The following SMAD4 variants were observed in gnomAD, a reference collection of about 807,000 sequenced individuals.
SMAD4 encodes MAD homolog 4.
A neutral mutation model predicts 63.2 loss-of-function variants in SMAD4; 7 were observed. The ratio of observed to expected loss-of-function variants is 0.11; its 90% CI spans 0.06 to 0.21. The LOEUF (loss-of-function observed/expected upper bound fraction) is 0.21. Among genes scored for constraint, SMAD4 ranks in the 10% least tolerant of loss-of-function variants. The probability of loss-of-function intolerance (pLI) is 1.00; values close to 1 mark genes in which losing one functional copy is unlikely to be tolerated. For missense variants in SMAD4, 312 were observed against 693.8 expected, an observed-to-expected ratio of 0.45 and a Z score of 6.18; for synonymous variants, 215 against 235.4, an observed-to-expected ratio of 0.91 and a Z score of 0.79.
At chr18:51,050,646 G>T (rs985547499) in intron 4 of SMAD4, among the ~76,000 whole-genome samples, 12 of 148,584 alleles carry the variant, frequency 8.1e-5, no homozygotes, top group Non-Finnish European at 1.5e-4. Context: ...TTGACAAAGC[G>T]AGACTCTGTC....
intron 5 of SMAD4, among the ~76,000 whole-genome samples, chr18:51,055,218 C>G (rs1470888329): frequency 6.6e-6 from 1 of 152,130 alleles, no homozygotes; most frequent in Admixed American, 6.5e-5. Flanking sequence ...TTATACTTTA[C>G]TATTACATGT....
chr18:51,063,076 A>G (rs1204747179), intron 8 of SMAD4, among the ~76,000 whole-genome samples: 1 of 146,234 alleles, frequency 6.8e-6, no homozygotes, highest in East Asian at 2.1e-4. Flanking sequence ...CTGGTCTCGA[A>G]CTCCTGACCT....
intron 1 of SMAD4, among the ~76,000 whole-genome samples, chr18:51,046,440 T>G (rs1272154053): frequency 3.3e-5 from 5 of 151,412 alleles, no homozygotes; most frequent in Admixed American, 1.3e-4. Flanking sequence ...AATTGGGGTT[T>G]TTTTTTTTTT....
intron 1 of SMAD4, among the ~76,000 whole-genome samples, chr18:51,039,593 G>C (rs1053639075): frequency 1.3e-5 from 2 of 149,712 alleles, no homozygotes; most frequent in African/African-American, 4.9e-5. Flanking sequence ...GTGGCCAGGG[G>C]GTGGCTCTGG....
In SMAD4 at chr18:51,056,543, C is replaced by CCGGG. The variant is rs199546697; in HGVS notation, c.667+1551_667+1554dup. On this transcript the variant is annotated intron_variant, in intron 5 of 11. Coordinates refer to ENST00000342988, the MANE Select transcript of SMAD4 (RefSeq NM_005359.6). ...CTGAGGCAGGAGAAATGGCGTGAAC[C>CCGGG]CGGGAGGCGGAGCTTGCAGTGAGCA... Among the ~76,000 whole-genome samples, 11 of 149,910 alleles carry CCGGG rather than the reference C, an allele frequency of 7.3e-5. No homozygotes were observed. The East Asian group carries it at 1.8e-3, about 24-fold the overall frequency.
intron 1 of SMAD4, among the ~76,000 whole-genome samples, chr18:51,040,154 A>G (rs1909331171): frequency 6.6e-6 from 1 of 152,248 alleles, no homozygotes; most frequent in Admixed American, 6.5e-5. Flanking sequence ...TGCGCCGGGC[A>G]TGGTGGCTCA....
chr18:51,057,435 A>G (rs1234250527), intron 5 of SMAD4, among the ~76,000 whole-genome samples: 1 of 152,208 alleles, frequency 6.6e-6, no homozygotes, highest in African/African-American at 2.4e-5. Context: ...CAGAGAGGGC[A>G]ATTAATTTCT....
rs761936246 is a variant in SMAD4, at chr18:51,054,899, G to T, written c.573G>T (p.Ser191=). 1 of 1,614,048 alleles carries T rather than the reference G, an allele frequency of 6.2e-7. No individual in the cohort carries two copies. Among genetic ancestry groups the T allele is most frequent in the Non-Finnish European group, 8.5e-7 (1 of 1,179,926 alleles). Residue 191 remains serine (S), a synonymous_variant, in exon 5 of 12, where the codon TCG becomes TCT. Transcript: ENST00000342988. ...TIQHPPSNRA[S]TETYSTPALL... is the part of the protein sequence containing the mutation. ...AGCATCCACCAAGTAATCGTGCATC[G>T]ACAGAGACATACAGCACCCCAGCTC...
chr18:51,062,296 G>GT (rs1490637227), intron 8 of SMAD4, among the ~76,000 whole-genome samples: 4 of 152,018 alleles, frequency 2.6e-5, no homozygotes, highest in Admixed American at 6.6e-5. Context: ...TGTAACACAA[G>GT]TAAGTATATA....
At chr18:51,033,054 AT>A (rs1260034626) in intron 1 of SMAD4, among the ~76,000 whole-genome samples, 3 of 151,106 alleles carry the variant, frequency 2.0e-5, no homozygotes, top group Non-Finnish European at 3.0e-5. Flanking sequence ...ACGCCCCAAA[AT>A]TTTTTTTTGT....
intron 1 of SMAD4, among the ~76,000 whole-genome samples, chr18:51,042,331 C>G (rs538985698): frequency 8.7e-6 from 1 of 115,482 alleles, no homozygotes; most frequent in Non-Finnish European, 1.8e-5. Context: ...CTCCCTCCCT[C>G]TCTCCCTCTC....
At chr18:51,034,457 G>A (rs1226948836) in intron 1 of SMAD4, among the ~76,000 whole-genome samples, 3 of 151,986 alleles carry the variant, frequency 2.0e-5, no homozygotes, top group African/African-American at 7.2e-5. Flanking sequence ...ACCATTTTGG[G>A]CAAGGCTAGT....
chr18:51,054,973 A>G lies in SMAD4; in HGVS notation c.647A>G (p.Asn216Ser), dbSNP rs138386557. The change falls in exon 5 of 12, where the codon AAC becomes AGC. Residue 216 changes from asparagine to serine, a missense_variant. By Grantham distance (46) the Asn-to-Ser change is conservative (BLOSUM62 1). Transcript: ENST00000342988. ...SNATSTANFPNIPVASTSQPA... is the reference protein window; with the variant it reads ...SNATSTANFPSIPVASTSQPA... ...GCTACCAGCACTGCCAACTTTCCCAACATTCCTGTGGCTTCCACAAGTGAG... is the reference window on the plus strand; with the variant it reads ...GCTACCAGCACTGCCAACTTTCCCAGCATTCCTGTGGCTTCCACAAGTGAG... 6 of 1,613,856 alleles carry G rather than the reference A, an allele frequency of 3.7e-6. No homozygotes were observed. In the Admixed American group the frequency reaches 5.0e-5, roughly 13 times the overall value.
At position 51,080,231 on chromosome 18, in the gene SMAD4, T is replaced by G. The variant is rs1262899371; in HGVS notation, c.*1764T>G. On this transcript the variant is annotated 3_prime_UTR_variant, in exon 12 of 12. Transcript: ENST00000342988. ...AGACCATCCTAGAAACCACTGAGTT[T>G]GCTTATTTCTGTGATTTAAACATAG... 2 of 232,182 alleles carry G rather than the reference T, an allele frequency of 8.6e-6. No homozygotes were observed. The allele number at this position is 232,182 out of a possible 1,614,324, so 14.4% of individuals were successfully genotyped here.
At chr18:51,077,460 G>A (rs980723272) in intron 11 of SMAD4, 21 of 843,882 alleles carry the variant, frequency 2.5e-5, no homozygotes, top group Non-Finnish European at 3.0e-5. Context: ...CAGTGGCCCT[G>A]CAGGTTTCTC....
intron 10 of SMAD4, among the ~76,000 whole-genome samples, chr18:51,070,677 G>T (rs1219348913): frequency 6.6e-6 from 1 of 152,114 alleles, no homozygotes; most frequent in Non-Finnish European, 1.5e-5. Flanking sequence ...AATGTGCGCT[G>T]TTCTGAGTAG....
At chr18:51,057,985 G>T in intron 5 of SMAD4, 140 bp from the exon 6 acceptor site, 2 of 955,394 alleles carry the variant, frequency 2.1e-6, no homozygotes, top group Non-Finnish European at 3.3e-6. Flanking sequence ...TTTTTTACCT[G>T]ATAGGCCATG....
Position 51,039,944 on chromosome 18 carries a change from G to A in SMAD4, c.-127-6976G>A, listed in dbSNP as rs555948437. Among the ~76,000 whole-genome samples the A allele has an allele frequency of 5.9e-5, 9 of 152,060 alleles. No homozygotes were observed. The South Asian group carries it at 1.9e-3, about 32-fold the overall frequency. Reference sequence around the variant, plus strand: ...TGTATAAATGTGCTCTTGGAAGTTCGCCAACTGCCCTCAGTTTGAAGAACC... The same window carrying A: ...TGTATAAATGTGCTCTTGGAAGTTCACCAACTGCCCTCAGTTTGAAGAACC... On this transcript the variant is annotated intron_variant, in intron 1 of 11. Coordinates refer to ENST00000342988, the MANE Select transcript of SMAD4 (RefSeq NM_005359.6).
intron 9 of SMAD4, among the ~76,000 whole-genome samples, chr18:51,066,536 A>G (rs1015974561): frequency 1.7e-4 from 26 of 152,276 alleles, no homozygotes; most frequent in African/African-American, 5.1e-4. Context: ...CATTCTGCCT[A>G]ATAGAATTTT....
Sources: gnomAD v4.1 joint callset for allele counts (sites outside exome capture counted in the v4.1 genomes callset) on GRCh38, gnomAD v4.1.1 for gene constraint, MANE v1.5 for transcripts, NCBI Gene and HGNC (gene_info 2026-07-23, HGNC 2026-07-21) for gene names.